Variants in EGFL6 observed in about 807,000 individuals in gnomAD.
EGFL6 encodes the protein epidermal growth factor-like protein 6.
In EGFL6, 42 loss-of-function variants were observed where a neutral mutation model predicts 43.1. The ratio of observed to expected loss-of-function variants is 0.98; its 90% CI spans 0.76 to 1.26. The LOEUF (loss-of-function observed/expected upper bound fraction) is 1.26, where lower values mean the gene tolerates loss of function less well. EGFL6 is among the 50% of genes most tolerant of loss of function. The probability of loss-of-function intolerance (pLI) is 0.00; values close to 1 mark genes in which losing one functional copy is unlikely to be tolerated. For missense variants in EGFL6, 429 were observed against 427.8 expected, an observed-to-expected ratio of 1.00 and a Z score of -0.02; for synonymous variants, 164 against 163.2, an observed-to-expected ratio of 1.01 and a Z score of -0.04.
chrX:13,572,839 G>A (rs769338976), intron 1 of EGFL6, among the ~76,000 whole-genome samples: 1 of 111,696 alleles, frequency 9.0e-6, no homozygotes, highest in East Asian at 2.8e-4. Flanking sequence ...TAAAACAAGA[G>A]AAGTTTATTG....
chrX:13,569,969 C>T (rs771560482), intron 1 of EGFL6, 34 bp downstream of exon 1: 12 of 1,192,826 alleles, frequency 1.0e-5, no homozygotes, highest in Middle Eastern at 4.7e-4. Flanking sequence ...CTTCCCCCCA[C>T]CCCCGGCCTG....
At chrX:13,612,090 C>G (rs1246627119) in intron 7 of EGFL6, among the ~76,000 whole-genome samples, 1 of 108,781 alleles carries the variant, frequency 9.2e-6, no homozygotes, top group Non-Finnish European at 1.9e-5. Context: ...GGGTGTTTCT[C>G]GGAGAGGGGG....
intron 1 of EGFL6, among the ~76,000 whole-genome samples, chrX:13,577,784 G>A (rs1198878941): frequency 2.7e-5 from 3 of 112,441 alleles, no homozygotes; most frequent in Non-Finnish European, 5.6e-5. Context: ...TGGCTGCCAA[G>A]AGGCAAAGAA....
chrX:13,633,114 T>C lies in EGFL6; in HGVS notation c.*19T>C. 1 of 1,159,919 alleles carries C rather than the reference T, an allele frequency of 8.6e-7. No individual in the cohort carries two copies. The highest frequency in any genetic ancestry group is 1.2e-6 in the Non-Finnish European group (1 of 866,301). ...TGACTGAATGTTACTATCTTTATAT[T>C]TGACTTTGTATGTCAGTTCCCTGGT... On this transcript the variant is annotated 3_prime_UTR_variant, in exon 12 of 12. Transcript: ENST00000361306.
chrX:13,614,326 T>C (rs144939338), intron 7 of EGFL6, among the ~76,000 whole-genome samples: 11 of 111,963 alleles, frequency 9.8e-5, no homozygotes, highest in African/African-American at 2.6e-4. Context: ...TCTTTTGTTC[T>C]GTCCTAGCCC....
chrX:13,580,486 T>C (rs2045499643), intron 1 of EGFL6, among the ~76,000 whole-genome samples: 1 of 111,660 alleles, frequency 9.0e-6, no homozygotes, highest in African/African-American at 3.3e-5. Flanking sequence ...GCATCCAAAC[T>C]GGCTCAAGCC....
intron 1 of EGFL6, among the ~76,000 whole-genome samples, chrX:13,579,221 A>AT (rs746590391): frequency 1.8e-5 from 2 of 110,377 alleles, no homozygotes; most frequent in South Asian, 7.9e-4. Flanking sequence ...TCCAATAGGT[A>AT]TTTTTTCTGC....
At chrX:13,632,492 C>T (rs914590039) in intron 11 of EGFL6, among the ~76,000 whole-genome samples, 5 of 107,974 alleles carry the variant, frequency 4.6e-5, no homozygotes, top group Non-Finnish European at 9.6e-5. Flanking sequence ...TTAGTAGAGA[C>T]GGGGTTTCAC....
chrX:13,627,663 C>T (rs757617521), intron 11 of EGFL6, among the ~76,000 whole-genome samples: 13 of 112,056 alleles, frequency 1.2e-4, no homozygotes, highest in East Asian at 5.6e-4. Context: ...TTTTTTTAAA[C>T]GGAACTGAGA....
At chrX:13,572,473 A>T (rs1465129307) in intron 1 of EGFL6, among the ~76,000 whole-genome samples, 2 of 112,038 alleles carry the variant, frequency 1.8e-5, no homozygotes, top group East Asian at 5.5e-4. Context: ...ATATATGGAT[A>T]TTTATTTCTA....
intron 5 of EGFL6, among the ~76,000 whole-genome samples, chrX:13,605,941 A>T (rs931506349): frequency 8.9e-6 from 1 of 112,506 alleles, no homozygotes; most frequent in South Asian, 3.6e-4. Flanking sequence ...GCAAATTGTA[A>T]AAGTCTGTGT....
chrX:13,616,425 C>T (rs1475165916), intron 7 of EGFL6, among the ~76,000 whole-genome samples: 3 of 111,115 alleles, frequency 2.7e-5, no homozygotes, highest in Middle Eastern at 9.2e-3. Flanking sequence ...GCCTGGCCAA[C>T]ATGGCGAAAC....
rs182337205 is a variant in EGFL6, at chrX:13,625,410, T to A, written c.1285+1485T>A. Among the ~76,000 whole-genome samples the A allele has an allele frequency of 6.3e-5, 7 of 110,979 alleles. No homozygotes were observed. In the East Asian group the frequency reaches 2.0e-3, roughly 31 times the overall value. The stretch of plus-strand genomic sequence containing the variant: ...AAAATAGGCTGGGTGCGGTGGCTCA[T>A]GTATGTAATCCCAGCACTTTGGGAG... On this transcript the variant is annotated intron_variant, in intron 10 of 11. Transcript: ENST00000361306.
At chrX:13,613,290 T>C (rs1436839206) in intron 7 of EGFL6, among the ~76,000 whole-genome samples, 2 of 109,294 alleles carry the variant, frequency 1.8e-5, no homozygotes, top group African/African-American at 3.4e-5. Context: ...ACCCATTCTC[T>C]GTACCTAAAG....
chrX:13,572,415 GTTTC>G (rs2045448162), intron 1 of EGFL6, among the ~76,000 whole-genome samples: 1 of 112,386 alleles, frequency 8.9e-6, no homozygotes, highest in Non-Finnish European at 1.9e-5. Flanking sequence ...AATTGCTTCT[GTTTC>G]TTTAGCATTT....
intron 7 of EGFL6, 127 bp downstream of exon 7, chrX:13,608,573 C>T: frequency 3.5e-6 from 3 of 853,921 alleles, no homozygotes; most frequent in Non-Finnish European, 5.0e-6. Context: ...TACTCTCACT[C>T]TGTGTGTGTG....
chrX:13,622,913 G>A (rs376148055), intron 9 of EGFL6, among the ~76,000 whole-genome samples: 6 of 111,896 alleles, frequency 5.4e-5, no homozygotes, highest in South Asian at 3.7e-4. Context: ...GGCCAGGCAC[G>A]GTGGCTCACA....
intron 4 of EGFL6, among the ~76,000 whole-genome samples, chrX:13,601,650 T>C (rs1182068042): frequency 8.9e-6 from 1 of 112,176 alleles, no homozygotes; most frequent in Non-Finnish European, 1.9e-5. Context: ...GTCACGTAGA[T>C]CTTCTGCTAG....
intron 1 of EGFL6, among the ~76,000 whole-genome samples, chrX:13,581,434 A>G (rs1452918484): frequency 9.0e-6 from 1 of 110,606 alleles, no homozygotes; most frequent in Non-Finnish European, 1.9e-5. Flanking sequence ...ACTGGGAGCT[A>G]TGATAAAAAA....
Sources: gnomAD v4.1 joint callset for allele counts (sites outside exome capture counted in the v4.1 genomes callset) on GRCh38, gnomAD v4.1.1 for gene constraint, MANE v1.5 for transcripts, NCBI Gene and HGNC (gene_info 2026-07-23, HGNC 2026-07-21) for gene names.